Variants in DIAPH2 observed in about 807,000 individuals in gnomAD.
The protein encoded by DIAPH2 is diaphanous related formin 2, also known as protein diaphanous homolog 2.
In DIAPH2, 35 loss-of-function variants were observed where a neutral mutation model predicts 92.7. The ratio of observed to expected loss-of-function variants is 0.38; its 90% CI spans 0.29 to 0.50. The LOEUF is 0.50. Among genes scored for constraint, DIAPH2 ranks in the 20% least tolerant of loss-of-function variants. The pLI, the probability that DIAPH2 is intolerant of heterozygous loss-of-function variation, is 0.94. For synonymous variants in DIAPH2, 301 were observed against 280.4 expected (o/e 1.07, Z -0.73); for missense variants, 701 against 819.5 (o/e 0.86, Z 1.77).
intron 23 of DIAPH2, among the ~76,000 whole-genome samples, chrX:97,277,984 T>G (rs1218321669): frequency 2.7e-5 from 3 of 111,680 alleles, no homozygotes; most frequent in African/African-American, 9.8e-5. Flanking sequence ...TAGCTGGGAT[T>G]ACAGGCACGC....
At chrX:96,858,268 A>T (rs1363927807) in intron 4 of DIAPH2, among the ~76,000 whole-genome samples, 3 of 112,032 alleles carry the variant, frequency 2.7e-5, no homozygotes, top group African/African-American at 9.7e-5. Flanking sequence ...CTTGATGTCT[A>T]CTGTGAACAC....
intron 23 of DIAPH2, among the ~76,000 whole-genome samples, chrX:97,307,680 G>A (rs1218430950): frequency 1.8e-5 from 2 of 109,683 alleles, no homozygotes; most frequent in African/African-American, 3.3e-5. Context: ...AGGTTGAGGC[G>A]GGTGGATCAC....
At chrX:96,907,159 C>G (rs1041557489) in intron 5 of DIAPH2, among the ~76,000 whole-genome samples, 9 of 111,507 alleles carry the variant, frequency 8.1e-5, no homozygotes, top group African/African-American at 2.6e-4. Context: ...ATAGCCCATC[C>G]AAAAAGAAAT....
chrX:97,242,523 C>T (rs1474340548), intron 22 of DIAPH2, among the ~76,000 whole-genome samples: 5 of 109,917 alleles, frequency 4.5e-5, no homozygotes, highest in Non-Finnish European at 9.5e-5. Context: ...ACCACCATGC[C>T]CAGCTAATTT....
intron 5 of DIAPH2, among the ~76,000 whole-genome samples, chrX:96,901,085 G>T (rs968798433): frequency 3.6e-5 from 4 of 111,232 alleles, no homozygotes; most frequent in African/African-American, 1.3e-4. Context: ...AGTCCATCTG[G>T]TCCTGGAGTT....
At chrX:97,155,518 A>T (rs1273781544) in intron 22 of DIAPH2, among the ~76,000 whole-genome samples, 1 of 111,176 alleles carries the variant, frequency 9.0e-6, no homozygotes, top group East Asian at 2.8e-4. Context: ...AAAAAAAAAA[A>T]AAATGTGGAA....
chrX:97,538,272 C>T (rs765992416), intron 26 of DIAPH2, among the ~76,000 whole-genome samples: 1 of 111,799 alleles, frequency 8.9e-6, no homozygotes, highest in Admixed American at 9.5e-5. Context: ...TATTAGGCAG[C>T]AATATGTCAT....
At chrX:97,516,246 C>T (rs1602642928) in intron 26 of DIAPH2, among the ~76,000 whole-genome samples, 1 of 108,873 alleles carries the variant, frequency 9.2e-6, no homozygotes, top group East Asian at 2.9e-4. Flanking sequence ...CAGAGCGAGA[C>T]ACCATCTCAA....
chrX:97,515,683 T>C (rs913138406), intron 26 of DIAPH2, among the ~76,000 whole-genome samples: 2 of 111,354 alleles, frequency 1.8e-5, no homozygotes, highest in African/African-American at 6.5e-5. Context: ...TTCTGTGTCC[T>C]TGTATCTTCA....
chrX:96,784,200 T>A (rs929085008), intron 4 of DIAPH2, among the ~76,000 whole-genome samples: 6 of 112,308 alleles, frequency 5.3e-5, no homozygotes, highest in Admixed American at 1.9e-4. Flanking sequence ...GATTACATAA[T>A]TACAGGCATA....
intron 4 of DIAPH2, among the ~76,000 whole-genome samples, chrX:96,848,827 C>T (rs760054612): frequency 8.9e-6 from 1 of 111,769 alleles, no homozygotes; most frequent in Non-Finnish European, 1.9e-5. Flanking sequence ...TTTATTCTGC[C>T]TTTTTGAAGA....
At chrX:96,731,043 T>G (rs751875559) in intron 1 of DIAPH2, among the ~76,000 whole-genome samples, 1 of 110,991 alleles carries the variant, frequency 9.0e-6, no homozygotes, top group East Asian at 2.9e-4. Context: ...GAGAAGGAAT[T>G]TCACAAGGTA....
intron 16 of DIAPH2, 47 bp from the exon 17 acceptor site, chrX:96,965,046 A>G: frequency 9.0e-7 from 1 of 1,117,183 alleles, no homozygotes; most frequent in Non-Finnish European, 1.2e-6. Flanking sequence ...GAAAATTTAA[A>G]TATGAGGTTA....
chrX:97,255,115 T>C (rs2068226256), intron 23 of DIAPH2, among the ~76,000 whole-genome samples: 1 of 111,875 alleles, frequency 8.9e-6, no homozygotes, highest in African/African-American at 3.2e-5. Context: ...AATTTTGGTC[T>C]TTCCGACATT....
intron 23 of DIAPH2, 22 bp downstream of exon 23, chrX:97,247,861 A>G: frequency 1.7e-6 from 2 of 1,194,614 alleles, no homozygotes; most frequent in Non-Finnish European, 2.3e-6. Context: ...TTATTTAAGC[A>G]TTTTGTCTAG....
chrX:97,338,840 T>A (rs1489320239), intron 23 of DIAPH2, among the ~76,000 whole-genome samples: 1 of 111,789 alleles, frequency 8.9e-6, no homozygotes, highest in African/African-American at 3.2e-5. Context: ...ACATCAAAAT[T>A]AAGTAAAATG....
chrX:97,588,996 AATATATATATATATATATATAT>A (rs199558439), intron 26 of DIAPH2, among the ~76,000 whole-genome samples: 903 of 31,709 alleles, frequency 0.028, 20 homozygotes, highest in African/African-American at 0.067. Flanking sequence ...ATATTATAGA[AATATATATATATATATATATAT>A]ATATATATAA....
At chrX:96,920,387 G>C (rs764384572) in intron 9 of DIAPH2, among the ~76,000 whole-genome samples, 1 of 111,698 alleles carries the variant, frequency 9.0e-6, no homozygotes, top group Admixed American at 9.5e-5. Context: ...TCGAAAGTTT[G>C]TTGAGTAGGA....
At chrX:96,990,466 A>G (rs2066062012) in intron 17 of DIAPH2, among the ~76,000 whole-genome samples, 1 of 112,034 alleles carries the variant, frequency 8.9e-6, no homozygotes, top group South Asian at 3.7e-4. Flanking sequence ...CATAGTATAG[A>G]CAGCCACTGC....
Sources: allele counts gnomAD v4.1 joint callset (sites outside exome capture counted in the v4.1 genomes callset), GRCh38; gene constraint gnomAD v4.1.1; transcripts MANE v1.5; gene names NCBI Gene and HGNC (gene_info 2026-07-23, HGNC 2026-07-21).